The following YME1L1 variants were observed in gnomAD, a reference collection of about 807,000 sequenced individuals.
YME1L1 encodes ATP-dependent zinc metalloprotease YME1L1.
Under a neutral mutation model 90.4 loss-of-function variants are expected in YME1L1, and 39 were observed. The observed-to-expected ratio is 0.43, with a 90% confidence interval of 0.33 to 0.56. The LOEUF is 0.56. Ranked by LOEUF, YME1L1 falls within the 20% of genes least tolerant of loss-of-function variation. The pLI, the probability that YME1L1 is intolerant of heterozygous loss-of-function variation, is 0.03. For missense variants in YME1L1, 617 were observed against 868.4 expected (o/e 0.71, Z 3.64); for synonymous variants, 284 against 287.3 (o/e 0.99, Z 0.12).
intron 8 of YME1L1, 41 bp downstream of exon 8, chr10:27,131,818 A>C: frequency 6.9e-7 from 1 of 1,439,034 alleles, no homozygotes; most frequent in South Asian, 1.2e-5. Context: ...AGTATCAATT[A>C]GAGGATGTAT....
chr10:27,147,343 A>G, intron 2 of YME1L1: 1 of 1,401,048 alleles, frequency 7.1e-7, no homozygotes, highest in East Asian at 2.3e-5. Flanking sequence ...AAAATTTAAA[A>G]ATGATAAAAC....
chr10:27,127,379 G>C (rs1290493402), intron 8 of YME1L1, among the ~76,000 whole-genome samples: 1 of 152,020 alleles, frequency 6.6e-6, no homozygotes, highest in African/African-American at 2.4e-5. Context: ...ACAAAGCTTT[G>C]TCCATTCCTA....
Position 27,111,937 on chromosome 10 carries a change from C to A in YME1L1, c.*40G>T. ...AGACTACTGCAATGCTACTTGTATT[C>A]TTGCAATAAAACCAGCAAGCATCCA... On this transcript the variant is annotated 3_prime_UTR_variant, in exon 19 of 19. Transcript: ENST00000376016. 6.2e-7 allele frequency: 1 copy of A among 1,610,708 alleles called. No individual in the cohort carries two copies. The highest frequency in any genetic ancestry group is 1.1e-5 in the South Asian group (1 of 90,988).
At chr10:27,124,026 A>C (rs1400392651) in intron 9 of YME1L1, among the ~76,000 whole-genome samples, 1 of 152,234 alleles carries the variant, frequency 6.6e-6, no homozygotes, top group East Asian at 1.9e-4. Flanking sequence ...AAGACTAAAC[A>C]ACCAAATGTA....
Position 27,131,944 on chromosome 10 carries a change from A to G in YME1L1, c.776-3T>C. 6.2e-7 allele frequency: 1 copy of G among 1,603,000 alleles called. No homozygotes were observed. Among genetic ancestry groups the G allele is most frequent in the Non-Finnish European group, 8.5e-7 (1 of 1,175,988 alleles). ...CCCTGTTGTTGTCCGGAAGCGGACTAAAGGGAAGAAAAGAAATGTTTATAT... is the reference window on the plus strand; with the variant it reads ...CCCTGTTGTTGTCCGGAAGCGGACTGAAGGGAAGAAAAGAAATGTTTATAT... On this transcript the variant is annotated splice_region_variant and splice_polypyrimidine_tract_variant and intron_variant, in intron 7 of 18. Coordinates refer to ENST00000376016, the MANE Select transcript of YME1L1 (RefSeq NM_014263.4).
intron 2 of YME1L1, among the ~76,000 whole-genome samples, chr10:27,148,669 G>A (rs553219569): frequency 6.6e-6 from 1 of 152,132 alleles, no homozygotes; most frequent in African/African-American, 2.4e-5. Flanking sequence ...TTACTTTATT[G>A]TAAGAATACA....
At chr10:27,126,143 AT>A (rs1466629115) in intron 9 of YME1L1, among the ~76,000 whole-genome samples, 1 of 152,150 alleles carries the variant, frequency 6.6e-6, no homozygotes, top group Non-Finnish European at 1.5e-5. Context: ...AAAGTGAATG[AT>A]TTTTAAAATG....
At chr10:27,132,455 A>G (rs1270401478) in intron 7 of YME1L1, among the ~76,000 whole-genome samples, 1 of 152,152 alleles carries the variant, frequency 6.6e-6, no homozygotes, top group Non-Finnish European at 1.5e-5. Flanking sequence ...TTAAAAAGAC[A>G]TATTTCGGCT....
chr10:27,145,527 C>A lies in YME1L1; in HGVS notation c.232G>T (p.Val78Leu), dbSNP rs2057135246. Residue 78 changes from valine (V) to leucine (L), a missense_variant, in exon 3 of 19, where the codon GTA (valine) becomes TTA (leucine). By Grantham distance (32) the Val-to-Leu change is conservative. Coordinates refer to ENST00000376016, the MANE Select transcript of YME1L1 (RefSeq NM_014263.4). ...ELKIGQIDQL[V>L]ENLLPGFCKG... is the part of the protein sequence containing the mutation. ...CAAAATCCAGGAAGTAGATTTTCTA[C>A]CAGCTGATCAATCTGTCCAATTTTT... 6.2e-7 allele frequency: 1 copy of A among 1,613,516 alleles called. No individual in the cohort carries two copies. The highest frequency in any genetic ancestry group is 8.5e-7 in the Non-Finnish European group (1 of 1,179,664).
At chr10:27,149,093 A>C in intron 1 of YME1L1, 53 bp from the exon 2 acceptor site, 1 of 1,450,726 alleles carries the variant, frequency 6.9e-7, no homozygotes, top group Non-Finnish European at 9.5e-7. Context: ...AATAAACAGA[A>C]CAATCTCCTT....
chr10:27,113,339 C>A (rs575520460), intron 18 of YME1L1, among the ~76,000 whole-genome samples: 84 of 147,866 alleles, frequency 5.7e-4, no homozygotes, highest in African/African-American at 2.0e-3. Flanking sequence ...GTTCCCACAT[C>A]TATTTCCAAC....
intron 17 of YME1L1, among the ~76,000 whole-genome samples, chr10:27,115,323 C>CTTTT (rs71386913): frequency 7.0e-6 from 1 of 142,366 alleles, no homozygotes; most frequent in African/African-American, 2.6e-5. Flanking sequence ...CATTTAAAAT[C>CTTTT]TTTTTTTTTT....
chr10:27,146,541 G>C (rs556999738), intron 2 of YME1L1: 1 of 152,142 alleles, frequency 6.6e-6, no homozygotes, highest in Non-Finnish European at 1.5e-5. Context: ...AGACCAGCCT[G>C]AGCAACATGG....
At chr10:27,137,816 G>A (rs1216115209) in intron 4 of YME1L1, among the ~76,000 whole-genome samples, 6 of 152,050 alleles carry the variant, frequency 3.9e-5, no homozygotes. Context: ...TAATATGGAT[G>A]TTACAGATAG....
At position 27,134,836 on chromosome 10, in the gene YME1L1, G is replaced by GT; in HGVS notation, c.685dup (p.Thr229AsnfsTer3). ...ATGGTGTCAATTCAACTTACCATTG[G>GT]TTTTTTGTGTGAGTGCTTGAGCTTT... On this transcript the variant is annotated frameshift_variant, in exon 6 of 19. Transcript: ENST00000376016. LOFTEE classifies it high-confidence loss of function. 1 of 1,613,568 alleles carries GT rather than the reference G, an allele frequency of 6.2e-7. No homozygotes were observed. Among genetic ancestry groups the GT allele is most frequent in the Non-Finnish European group, 8.5e-7 (1 of 1,179,686 alleles).
chr10:27,119,234 T>C, intron 14 of YME1L1, 60 bp downstream of exon 14: 2 of 1,485,836 alleles, frequency 1.3e-6, no homozygotes, highest in Non-Finnish European at 1.8e-6. Flanking sequence ...TATTTGCCCC[T>C]AAATGAATTA....
intron 10 of YME1L1, 55 bp downstream of exon 10, chr10:27,123,492 T>C (rs1305435110): frequency 5.1e-6 from 8 of 1,569,600 alleles, no homozygotes; most frequent in Non-Finnish European, 6.0e-6. Context: ...AAGGGTAAGA[T>C]ACACACTTCC....
intron 4 of YME1L1, among the ~76,000 whole-genome samples, chr10:27,139,249 C>T (rs547133282): frequency 3.3e-5 from 5 of 152,034 alleles, no homozygotes; most frequent in South Asian, 2.1e-4. Flanking sequence ...AGCTGAAGTA[C>T]GGTGGCATGA....
intron 10 of YME1L1, 25 bp from the exon 11 acceptor site, chr10:27,122,998 TA>T (rs769785866): frequency 9.4e-6 from 15 of 1,602,320 alleles, no homozygotes; most frequent in African/African-American, 1.3e-5. Flanking sequence ...AACATTCAAA[TA>T]AGCTGAAAGA....
Sources: allele counts gnomAD v4.1 joint callset (sites outside exome capture counted in the v4.1 genomes callset), GRCh38; gene constraint gnomAD v4.1.1; transcripts MANE v1.5; gene names NCBI Gene and HGNC (gene_info 2026-07-23, HGNC 2026-07-21).